The following PDE1C variants were observed in gnomAD, a reference collection of about 807,000 sequenced individuals.
PDE1C encodes dual specificity calcium/calmodulin-dependent 3',5'-cyclic nucleotide phosphodiesterase 1C.
A neutral mutation model predicts 93.1 loss-of-function variants in PDE1C; 62 were observed. That is an observed-to-expected ratio of 0.67 (90% CI 0.54 to 0.82). The LOEUF (loss-of-function observed/expected upper bound fraction) is 0.82. Among genes scored for constraint, PDE1C ranks in the 40% least tolerant of loss-of-function variants. PDE1C has a pLI of 0.00. For missense variants in PDE1C, 742 were observed against 884.6 expected (o/e 0.84, Z 2.04); for synonymous variants, 325 against 310.1 (o/e 1.05, Z -0.50).
At chr7:32,048,630 G>A (rs1792922964) in intron 2 of PDE1C, among the ~76,000 whole-genome samples, 1 of 152,126 alleles carries the variant, frequency 6.6e-6, no homozygotes, top group Non-Finnish European at 1.5e-5. Context: ...TTGACACCAG[G>A]TGGATCAGAT....
At chr7:32,098,387 G>C (rs1195099458) in intron 3 of PDE1C, among the ~76,000 whole-genome samples, 1 of 152,072 alleles carries the variant, frequency 6.6e-6, no homozygotes. Context: ...TTTAAGGACA[G>C]AGAAATCATA....
chr7:31,630,321 A>T, the PDE1C span, among the ~76,000 whole-genome samples: 5,175 of 151,744 alleles, frequency 0.034, 131 homozygotes, highest in Middle Eastern at 0.058. Context: ...GAACTATGCT[A>T]AGTGTTTTAC....
intron 1 of PDE1C, among the ~76,000 whole-genome samples, chr7:32,419,822 T>A (rs691630): frequency 1.3e-5 from 2 of 151,454 alleles, no homozygotes; most frequent in Non-Finnish European, 2.9e-5. Flanking sequence ...AGATGTAAGA[T>A]GCACACACAG....
At position 32,176,745 on chromosome 7, in the gene PDE1C, G is replaced by A. The variant is rs555082271; in HGVS notation, c.137-6789C>T. Among the ~76,000 whole-genome samples the A allele has an allele frequency of 5.3e-5, 8 of 152,226 alleles. No individual in the cohort carries two copies. In the East Asian group the frequency reaches 1.5e-3, roughly 29 times the overall value. ...AGAAATCTTGAACCTCCCTGAGTAG[G>A]TTTGCTGTTGTTGATAATCATAAAG... On this transcript the variant is annotated intron_variant, in intron 2 of 18. Transcript: ENST00000396193.
intron 2 of PDE1C, among the ~76,000 whole-genome samples, chr7:31,899,132 C>CTTTT (rs386409838): frequency 0.016 from 1,385 of 84,980 alleles, 48 homozygotes; most frequent in East Asian, 0.025. Flanking sequence ...GGCAGTCCCA[C>CTTTT]TTTTTTTTTT....
chr7:31,668,622 T>A, the PDE1C span, among the ~76,000 whole-genome samples: 1 of 152,146 alleles, frequency 6.6e-6, no homozygotes, highest in Non-Finnish European at 1.5e-5. Flanking sequence ...ATGTTCAGAA[T>A]AGTCAAATTA....
In PDE1C at chr7:32,157,498, A is replaced by G. The variant is rs184777220; in HGVS notation, c.308+12287T>C. On this transcript the variant is annotated intron_variant, in intron 3 of 18. Transcript: ENST00000396193. ...CAAAAAAAATAAAATACGGGAACCTAAAGAACCATGACAACTAAAGGTGAT... is the reference window on the plus strand; with the variant it reads ...CAAAAAAAATAAAATACGGGAACCTGAAGAACCATGACAACTAAAGGTGAT... Among the ~76,000 whole-genome samples, 372 of 151,430 alleles carry G rather than the reference A, an allele frequency of 2.5e-3. 3 individuals carry two copies. Among genetic ancestry groups the G allele is most frequent in the Middle Eastern group, 0.01 (3 of 294 alleles).
chr7:31,989,703 C>T (rs73314698), intron 2 of PDE1C, among the ~76,000 whole-genome samples: 2,608 of 152,216 alleles, frequency 0.017, 70 homozygotes, highest in African/African-American at 0.06. Context: ...AGTTAGCCTC[C>T]GATTGGTTAA....
intron 1 of PDE1C, among the ~76,000 whole-genome samples, chr7:32,063,448 A>C (rs1795036155): frequency 1.3e-5 from 2 of 152,276 alleles, no homozygotes; most frequent in East Asian, 3.9e-4. Flanking sequence ...TAATGCAGAA[A>C]CCTCTCTGCT....
At chr7:31,721,553 C>A in the PDE1C span, among the ~76,000 whole-genome samples, 1 of 152,192 alleles carries the variant, frequency 6.6e-6, no homozygotes, top group Non-Finnish European at 1.5e-5. Flanking sequence ...TAGAATCAAC[C>A]ATTCAGGCAG....
At chr7:32,110,500 A>T (rs1798579915) in intron 3 of PDE1C, among the ~76,000 whole-genome samples, 1 of 151,992 alleles carries the variant, frequency 6.6e-6, no homozygotes, top group Non-Finnish European at 1.5e-5. Context: ...CGGCCAAACC[A>T]TATCATTGAA....
intron 7 of PDE1C, among the ~76,000 whole-genome samples, chr7:31,859,981 C>T (rs765206795): frequency 1.9e-4 from 29 of 152,038 alleles, no homozygotes; most frequent in Non-Finnish European, 8.8e-5. Flanking sequence ...GTATATACTC[C>T]GTAATTGTTC....
intron 1 of PDE1C, among the ~76,000 whole-genome samples, chr7:32,277,963 T>A (rs1340739365): frequency 6.6e-6 from 1 of 152,082 alleles, no homozygotes; most frequent in Non-Finnish European, 1.5e-5. Context: ...AAGGTGCCAC[T>A]TCATTAGAGC....
At chr7:31,810,391 T>C (rs1047130592) in intron 15 of PDE1C, among the ~76,000 whole-genome samples, 1 of 152,150 alleles carries the variant, frequency 6.6e-6, no homozygotes, top group East Asian at 1.9e-4. Context: ...GGATTTACTC[T>C]TGTTTACTTT....
At chr7:31,736,188 C>T in the PDE1C span, among the ~76,000 whole-genome samples, 2 of 152,282 alleles carry the variant, frequency 1.3e-5, no homozygotes, top group African/African-American at 4.8e-5. Flanking sequence ...CAAAGACGCA[C>T]TCTCGTTCCA....
intron 3 of PDE1C, among the ~76,000 whole-genome samples, chr7:32,127,425 C>G (rs1321796328): frequency 6.6e-6 from 1 of 151,914 alleles, no homozygotes; most frequent in Non-Finnish European, 1.5e-5. Context: ...GAGTACTTTA[C>G]TATAATAGGA....
chr7:31,818,344 C>G (rs1788524385), intron 14 of PDE1C, among the ~76,000 whole-genome samples: 1 of 152,110 alleles, frequency 6.6e-6, no homozygotes, highest in Non-Finnish European at 1.5e-5. Flanking sequence ...ACAAAAGGTT[C>G]CCTGGAATGT....
Position 32,197,156 on chromosome 7 carries a change from T to C in PDE1C, c.136+12333A>G, listed in dbSNP as rs142629176. 2.7e-3 allele frequency among the ~76,000 whole-genome samples: 415 copies of C among 152,270 alleles called. 3 individuals carry two copies. The highest frequency in any genetic ancestry group is 3.9e-3 in the Non-Finnish European group (265 of 67,990). Reference sequence around the variant, plus strand: ...GCTACCCCTTTTCTTAAAATCTAGCTCTCCAAATAAGATACACGAGTGGGC... The same window carrying C: ...GCTACCCCTTTTCTTAAAATCTAGCCCTCCAAATAAGATACACGAGTGGGC... On this transcript the variant is annotated intron_variant, in intron 2 of 18. Coordinates refer to the PDE1C transcript ENST00000396193.
At chr7:32,091,776 C>G (rs953009453) in intron 3 of PDE1C, among the ~76,000 whole-genome samples, 1 of 152,202 alleles carries the variant, frequency 6.6e-6, no homozygotes, top group East Asian at 1.9e-4. Context: ...CATTGCAAGA[C>G]TTGGAGCAGA....
Sources: gnomAD v4.1 joint callset for allele counts (sites outside exome capture counted in the v4.1 genomes callset) on GRCh38, gnomAD v4.1.1 for gene constraint, MANE v1.5 for transcripts, NCBI Gene and HGNC (gene_info 2026-07-23, HGNC 2026-07-21) for gene names.